The following KLHL4 variants were observed in gnomAD, a reference collection of about 807,000 sequenced individuals.
KLHL4 encodes the protein kelch like family member 4.
Under a neutral mutation model 45.8 loss-of-function variants are expected in KLHL4, and 17 were observed. The observed-to-expected ratio is 0.37, with a 90% CI of 0.25 to 0.56. KLHL4 has a LOEUF of 0.56. Among genes scored for constraint, KLHL4 ranks in the 20% least tolerant of loss-of-function variants. KLHL4 has a pLI of 0.79. For synonymous variants in KLHL4, 224 were observed against 189.9 expected, an observed-to-expected ratio of 1.18 and a Z score of -1.47; for missense variants, 544 against 544.9, an observed-to-expected ratio of 1.00 and a Z score of 0.02.
At chrX:87,607,032 C>A (rs1569351996) in intron 1 of KLHL4, among the ~76,000 whole-genome samples, 1 of 111,865 alleles carries the variant, frequency 8.9e-6, no homozygotes, top group African/African-American at 3.2e-5. Flanking sequence ...TTTCTTAAAT[C>A]TTCTGTGGAT....
rs747393773 is a variant in KLHL4 at position 87,597,230 on chromosome X, T to C, written c.423-16647T>C. Among the ~76,000 whole-genome samples, 57 of 101,606 alleles carry C rather than the reference T, an allele frequency of 5.6e-4. No individual in the cohort carries two copies. In the East Asian group the frequency reaches 0.017, roughly 30 times the overall value. 88.2% of individuals were successfully genotyped at this position (101,606 alleles called of 115,157 possible). On this transcript the variant is annotated intron_variant, in intron 1 of 10. Transcript: ENST00000373119. ...TGCTTTGTACCTGTCGCATAGTAAG[T>C]GATCACTCACTGTTAAGTGTGATTA...
rs141546010 is a variant in KLHL4, at chrX:87,527,319, T to A, written c.422+9004T>A. 6.3e-3 allele frequency among the ~76,000 whole-genome samples: 701 copies of A among 111,653 alleles called. 3 individuals carry two copies. Among genetic ancestry groups the A allele is most frequent in the Non-Finnish European group, 0.011 (568 of 53,100 alleles). ...ACCATCTTGAAACTGGACTCACCAT[T>A]ACAGTGTGTCCTGCATTGGAGGCCA... On this transcript the variant is annotated intron_variant, in intron 1 of 10. Coordinates refer to ENST00000373119, the MANE Select transcript of KLHL4 (RefSeq NM_019117.5).
chrX:87,664,487 A>G (rs902786863), intron 9 of KLHL4, among the ~76,000 whole-genome samples: 5 of 111,941 alleles, frequency 4.5e-5, no homozygotes, highest in African/African-American at 6.5e-5. Flanking sequence ...CAGGATCACA[A>G]TATGTGAAAT....
chrX:87,520,345 T>TA (rs1458244024), intron 1 of KLHL4, among the ~76,000 whole-genome samples: 2 of 112,138 alleles, frequency 1.8e-5, no homozygotes, highest in Admixed American at 1.9e-4. Context: ...AGTGGTTTTT[T>TA]AAAAAAGAAA....
At chrX:87,563,233 T>G (rs1233766989) in intron 1 of KLHL4, among the ~76,000 whole-genome samples, 1 of 109,339 alleles carries the variant, frequency 9.1e-6, no homozygotes, top group African/African-American at 3.3e-5. Context: ...TGAAAAACAT[T>G]TAAAAGAAGG....
chrX:87,557,411 T>A (rs1327530947), intron 1 of KLHL4, among the ~76,000 whole-genome samples: 1 of 112,014 alleles, frequency 8.9e-6, no homozygotes, highest in Non-Finnish European at 1.9e-5. Context: ...AGTTTATGGT[T>A]AGTTCTCTTT....
intron 9 of KLHL4, among the ~76,000 whole-genome samples, chrX:87,647,448 C>G (rs1374792818): frequency 8.9e-6 from 1 of 111,932 alleles, no homozygotes; most frequent in Non-Finnish European, 1.9e-5. Context: ...ATGTTTATAG[C>G]AGAACAATTT....
intron 1 of KLHL4, among the ~76,000 whole-genome samples, chrX:87,568,383 C>CTT (rs756469573): frequency 1.2e-4 from 7 of 59,220 alleles, no homozygotes; most frequent in African/African-American, 3.3e-4. Flanking sequence ...TTTTTCTTTT[C>CTT]TTTTTTTCTT....
chrX:87,586,357 G>T (rs1045165135), intron 1 of KLHL4, among the ~76,000 whole-genome samples: 1 of 111,133 alleles, frequency 9.0e-6, no homozygotes, highest in African/African-American at 3.3e-5. Flanking sequence ...AATTCCCAAA[G>T]ATAGTCATAT....
rs755443540 is a variant in KLHL4 at position 87,605,923 on chromosome X, G to GT, written c.423-7945dup. ...ACAGTCTATGTCTAATTTGTTGAGA[G>GT]TTTTTTTTTAATCATGAAGCCTTGT... On this transcript the variant is annotated intron_variant, in intron 1 of 10. Transcript: ENST00000373119. Among the ~76,000 whole-genome samples the GT allele has an allele frequency of 9.5e-4, 105 of 110,121 alleles. 1 individual carries two copies. The highest frequency in any genetic ancestry group is 2.8e-3 in the African/African-American group (86 of 30,425).
intron 1 of KLHL4, among the ~76,000 whole-genome samples, chrX:87,582,742 A>G (rs1921323416): frequency 9.0e-6 from 1 of 111,683 alleles, no homozygotes; most frequent in Non-Finnish European, 1.9e-5. Context: ...GGTCTCACTG[A>G]CTTCAAGAAT....
At chrX:87,599,845 A>G (rs1023421200) in intron 1 of KLHL4, among the ~76,000 whole-genome samples, 6 of 111,806 alleles carry the variant, frequency 5.4e-5, no homozygotes, top group Non-Finnish European at 1.1e-4. Flanking sequence ...TCGGTGAAAA[A>G]CAAACCAAGA....
At chrX:87,533,155 A>T (rs1415186577) in intron 1 of KLHL4, among the ~76,000 whole-genome samples, 1 of 109,974 alleles carries the variant, frequency 9.1e-6, no homozygotes, top group African/African-American at 3.3e-5. Context: ...GCGATTCCTC[A>T]GGGATCTAGA....
intron 1 of KLHL4, among the ~76,000 whole-genome samples, chrX:87,533,980 T>C (rs1458696012): frequency 2.7e-5 from 3 of 111,574 alleles, no homozygotes; most frequent in Non-Finnish European, 5.7e-5. Context: ...ATGATCAGTT[T>C]ATCTAGTCAA....
At position 87,667,960 on chromosome X, in the gene KLHL4, A is replaced by G. The variant is rs1382850249; in HGVS notation, c.*1426A>G. Reference sequence around the variant, plus strand: ...TATAGTGTGGCTTTAGAATATATCAAGTACAACCTGAATGGACTTTTTGAT... The same window carrying G: ...TATAGTGTGGCTTTAGAATATATCAGGTACAACCTGAATGGACTTTTTGAT... On this transcript the variant is annotated 3_prime_UTR_variant, in exon 11 of 11. Transcript: ENST00000373119. 2.8e-6 allele frequency: 2 copies of G among 709,431 alleles called. No individual in the cohort carries two copies. The highest frequency in any genetic ancestry group is 3.3e-6 in the Non-Finnish European group (2 of 599,273). The allele number at this position is 709,431 out of a possible 1,213,427, so 58.5% of individuals were successfully genotyped here. A position where few individuals can be genotyped will look rare whatever the true frequency, so the allele number is the denominator to read the frequency against.
At chrX:87,532,391 T>G (rs1285886252) in intron 1 of KLHL4, among the ~76,000 whole-genome samples, 49 of 111,013 alleles carry the variant, frequency 4.4e-4, no homozygotes, top group Non-Finnish European at 8.7e-4. Context: ...TTGTTCTTTT[T>G]GCTTAGGAGT....
At chrX:87,579,802 C>T (rs772033524) in intron 1 of KLHL4, among the ~76,000 whole-genome samples, 24 of 111,991 alleles carry the variant, frequency 2.1e-4, no homozygotes, top group Admixed American at 4.7e-4. Context: ...GAGTTCATCA[C>T]CACTGGATCT....
intron 1 of KLHL4, among the ~76,000 whole-genome samples, chrX:87,597,739 A>G (rs1270830812): frequency 2.7e-5 from 3 of 111,746 alleles, no homozygotes; most frequent in African/African-American, 9.7e-5. Context: ...GACTGGCTAT[A>G]GAAAGCGGTA....
intron 1 of KLHL4, among the ~76,000 whole-genome samples, chrX:87,562,834 G>C (rs1382685791): frequency 1.8e-5 from 2 of 111,729 alleles, no homozygotes; most frequent in African/African-American, 6.5e-5. Flanking sequence ...GCTGGCTTTA[G>C]TTGTGAACCA....
Sources: gnomAD v4.1 joint callset for allele counts (sites outside exome capture counted in the v4.1 genomes callset) on GRCh38, gnomAD v4.1.1 for gene constraint, MANE v1.5 for transcripts, NCBI Gene and HGNC (gene_info 2026-07-23, HGNC 2026-07-21) for gene names.